Variants in ACOX1 observed in about 807,000 individuals in gnomAD.
The protein encoded by ACOX1 is acyl-CoA oxidase 1, also known as peroxisomal acyl-coenzyme A oxidase 1.
Under a neutral mutation model 75.5 loss-of-function variants are expected in ACOX1, and 41 were observed. The ratio of observed to expected loss-of-function variants is 0.54; its 90% CI spans 0.42 to 0.70. The LOEUF (loss-of-function observed/expected upper bound fraction) is 0.70, where lower values mean the gene tolerates loss of function less well. Among genes scored for constraint, ACOX1 ranks in the 30% least tolerant of loss-of-function variants. ACOX1 has a pLI of 0.00. For synonymous variants in ACOX1, 303 were observed against 298.8 expected (o/e 1.01, Z -0.15); for missense variants, 630 against 837.5 (o/e 0.75, Z 3.06).
intron 2 of ACOX1, among the ~76,000 whole-genome samples, chr17:75,970,202 GAGGA>G (rs372373011): frequency 2.0e-4 from 18 of 90,848 alleles, no homozygotes; most frequent in East Asian, 5.0e-4. Context: ...AAAAAAAAAA[GAGGA>G]AGGAAGGAAG....
intron 2 of ACOX1, among the ~76,000 whole-genome samples, chr17:75,967,152 C>T (rs2065939931): frequency 6.6e-6 from 1 of 151,072 alleles, no homozygotes; most frequent in South Asian, 2.1e-4. Context: ...AATCATTAAA[C>T]AGAAACCAAA....
rs2065680842 is a variant in ACOX1, at chr17:75,942,446, A to AAAAAAAAAAAC, written c.*4301_*4302insGTTTTTTTTTT. The AAAAAAAAAAAC allele has an allele frequency of 6.6e-6, 1 of 151,594 alleles. No individual in the cohort carries two copies. Among genetic ancestry groups the AAAAAAAAAAAC allele is most frequent in the African/African-American group, 2.4e-5 (1 of 41,312 alleles). The allele number at this position is 151,594 out of a possible 1,614,324, so 9.4% of individuals were successfully genotyped here. On this transcript the variant is annotated 3_prime_UTR_variant, in exon 14 of 14. Coordinates refer to ENST00000293217, the MANE Select transcript of ACOX1 (RefSeq NM_004035.7). ...CAACGTCTCAAAAAAAAAAAAAAAA[A>AAAAAAAAAAAC]AAAAAGCAAAACCCCACCATCAATA...
chr17:75,965,783 T>G (rs1025730249), intron 2 of ACOX1, among the ~76,000 whole-genome samples: 1 of 151,574 alleles, frequency 6.6e-6, no homozygotes, highest in Non-Finnish European at 1.5e-5. Flanking sequence ...CAGTGAGCTA[T>G]GATCAAACCT....
chr17:75,975,067 A>AG (rs1164522579), intron 2 of ACOX1, among the ~76,000 whole-genome samples: 2 of 150,886 alleles, frequency 1.3e-5, no homozygotes, highest in African/African-American at 4.9e-5. Context: ...AAAAAAAAAA[A>AG]AAAAAAGAAA....
chr17:75,977,488 T>C (rs1177296924), intron 2 of ACOX1, among the ~76,000 whole-genome samples: 1 of 151,776 alleles, frequency 6.6e-6, no homozygotes, highest in Non-Finnish European at 1.5e-5. Flanking sequence ...ATCGCTTGAA[T>C]CCGGGAGGTG....
At chr17:75,959,565 C>T (rs1162497239) in intron 3 of ACOX1, among the ~76,000 whole-genome samples, 2 of 152,138 alleles carry the variant, frequency 1.3e-5, no homozygotes, top group African/African-American at 2.4e-5. Context: ...AGAGGAACAG[C>T]GGCCACCTCC....
intron 2 of ACOX1, among the ~76,000 whole-genome samples, chr17:75,966,757 G>A (rs1029465250): frequency 9.9e-5 from 15 of 151,916 alleles, no homozygotes; most frequent in African/African-American, 2.4e-4. Context: ...CCATGACTGC[G>A]CCACTGCACT....
At chr17:75,956,916 T>C (rs1331171418) in intron 4 of ACOX1, among the ~76,000 whole-genome samples, 3 of 41,594 alleles carry the variant, frequency 7.2e-5, no homozygotes, top group Admixed American at 3.7e-4. Context: ...CTTTCCTCTC[T>C]CTCTCTCTCT....
intron 2 of ACOX1, among the ~76,000 whole-genome samples, chr17:75,967,334 T>C (rs2065941393): frequency 6.6e-6 from 1 of 151,352 alleles, no homozygotes; most frequent in South Asian, 2.1e-4. Flanking sequence ...CTGGGTGTGG[T>C]GGTGGGCACC....
In ACOX1 at chr17:75,951,421, C is replaced by T. The variant is rs186993093; in HGVS notation, c.1101G>A (p.Leu367=). 12 of 1,614,090 alleles carry T rather than the reference C, an allele frequency of 7.4e-6. No individual in the cohort carries two copies. The East Asian group carries it at 2.0e-4, about 27-fold the overall frequency. Reference sequence around the variant, plus strand: ...AATGAGACCAAACTCATACCTCAGGCAGTTCACTCAGGTCCCCTTGACCAA... The same window carrying T: ...AATGAGACCAAACTCATACCTCAGGTAGTTCACTCAGGTCCCCTTGACCAA... ...EGIGQGDLSE[L]PELHALTAGL... is the part of the protein sequence containing the mutation. The change falls in exon 8 of 14, where the codon CTG becomes CTA. Residue 367 remains leucine, a synonymous_variant. Coordinates refer to ENST00000293217, the MANE Select transcript of ACOX1 (RefSeq NM_004035.7).
intron 2 of ACOX1, among the ~76,000 whole-genome samples, chr17:75,961,664 G>T (rs1205278351): frequency 6.6e-6 from 1 of 150,550 alleles, no homozygotes; most frequent in Non-Finnish European, 1.5e-5. Flanking sequence ...AGCTACTTGG[G>T]AGACTGAGGC....
At chr17:75,962,939 T>A (rs962733918) in intron 2 of ACOX1, among the ~76,000 whole-genome samples, 1 of 151,828 alleles carries the variant, frequency 6.6e-6, no homozygotes, top group Non-Finnish European at 1.5e-5. Context: ...AAGACCAGCC[T>A]GGTCAACAGG....
In ACOX1 at chr17:75,978,711, G is replaced by A. The variant is rs2066082825; in HGVS notation, c.110-18C>T. The A allele has an allele frequency of 1.9e-6, 3 of 1,612,800 alleles. No individual in the cohort carries two copies. The highest frequency in any genetic ancestry group is 2.5e-6 in the Non-Finnish European group (3 of 1,180,024). On this transcript the variant is annotated intron_variant, in intron 1 of 13. Coordinates refer to ENST00000293217, the MANE Select transcript of ACOX1 (RefSeq NM_004035.7). This position sits in a 1 kb window ranked among gnomAD's most constrained non-coding sequence, Gnocchi z 4.2. ...CATGTTCTCTGAAAGGGGGTTAAAG[G>A]GCATTAAAAGGCAGACAGACACTCG...
intron 2 of ACOX1, chr17:75,973,426 G>T: frequency 1.6e-6 from 1 of 625,790 alleles, no homozygotes. Context: ...GGAAATAACA[G>T]TGAATGACGT....
At position 75,978,212 on chromosome 17, in the gene ACOX1, A is replaced by G. The variant is rs8078024; in HGVS notation, c.269+322T>C. Among the ~76,000 whole-genome samples the G allele has an allele frequency of 0.13, 20,222 of 152,016 alleles. 1,486 individuals are homozygous for G. Among genetic ancestry groups the G allele is most frequent in the South Asian group, 0.17 (805 of 4,810 alleles). ...CTAGTTCACGCTATTCTCCTGCCTC[A>G]GCCTCCCGAGTAGCTGGAACTACAG... On this transcript the variant is annotated intron_variant, in intron 2 of 13. Transcript: ENST00000293217. This position sits in a 1 kb window ranked among gnomAD's most constrained non-coding sequence, Gnocchi z 4.2.
chr17:75,948,407 C>A lies in ACOX1; in HGVS notation c.1779G>T (p.Lys593Asn). Residue 593 changes from lysine (K) to asparagine (N), a missense_variant, in exon 13 of 14, where the codon AAG becomes AAT. By Grantham distance (94) the Lys-to-Asn change is moderately conservative. Transcript: ENST00000293217. ...CTGAGCGAATCAGAGTGAGTAACTC[C>A]TTTACACGCTGGTTTACTTGTGTAA... Reference protein sequence around the residue: ...PQITQVNQRVKELLTLIRSDA... With the variant: ...PQITQVNQRVNELLTLIRSDA... 6.2e-7 allele frequency: 1 copy of A among 1,614,180 alleles called. No homozygotes were observed. The highest frequency in any genetic ancestry group is 2.2e-5 in the East Asian group (1 of 44,884).
intron 2 of ACOX1, among the ~76,000 whole-genome samples, chr17:75,972,645 CAAAA>C (rs10606220): frequency 1.9e-4 from 19 of 99,196 alleles, no homozygotes; most frequent in Admixed American, 5.7e-4. Flanking sequence ...AACTCTGTCT[CAAAA>C]AAAAAAAAAA....
rs2065882086 is a variant in ACOX1 at position 75,960,988 on chromosome 17, A to T, written c.270-613T>A. Reference sequence around the variant, plus strand: ...AGTGAGACTCTGTCTCAAAAAAAATAAATAAATAAATAAGAGAGAATTGGC... The same window carrying T: ...AGTGAGACTCTGTCTCAAAAAAAATTAATAAATAAATAAGAGAGAATTGGC... On this transcript the variant is annotated intron_variant, in intron 2 of 13. Coordinates refer to ENST00000293217, the MANE Select transcript of ACOX1 (RefSeq NM_004035.7). This position sits in a 1 kb window ranked among gnomAD's most constrained non-coding sequence, Gnocchi z 4.4. Among the ~76,000 whole-genome samples, 1 of 151,642 alleles carries T rather than the reference A, an allele frequency of 6.6e-6. No individual in the cohort carries two copies. Among genetic ancestry groups the T allele is most frequent in the South Asian group, 2.1e-4 (1 of 4,808 alleles).
In ACOX1 at chr17:75,950,703, A is replaced by G; in HGVS notation, c.1298+71T>C. On this transcript the variant is annotated intron_variant, in intron 9 of 13. Transcript: ENST00000293217. This position sits in a 1 kb window ranked among gnomAD's most constrained non-coding sequence, Gnocchi z 4.3. ...ATATACGGTGAAGAAAAACCATGGG[A>G]ACAAGAACCTAGGAAAAGGACTAGA... 1 of 1,527,996 alleles carries G rather than the reference A, an allele frequency of 6.5e-7. No homozygotes were observed. The highest frequency in any genetic ancestry group is 9.1e-7 in the Non-Finnish European group (1 of 1,103,574). The allele number at this position is 1,527,996 out of a possible 1,614,324, so 94.7% of individuals were successfully genotyped here. A position where few individuals can be genotyped will look rare whatever the true frequency, so the allele number is the denominator to read the frequency against.
Sources: gnomAD v4.1 joint callset for allele counts (sites outside exome capture counted in the v4.1 genomes callset) on GRCh38, gnomAD v4.1.1 for gene constraint, Gnocchi (gnomAD v3.1) non-coding constraint, MANE v1.5 for transcripts, NCBI Gene and HGNC (gene_info 2026-07-23, HGNC 2026-07-21) for gene names.